The following PHACTR1 variants were observed in gnomAD, a reference collection of about 807,000 sequenced individuals.
The protein encoded by PHACTR1 is phosphatase and actin regulator 1, also known as RPEL repeat containing 1.
In PHACTR1, 16 loss-of-function variants were observed where a neutral mutation model predicts 69.2. The ratio of observed to expected loss-of-function variants is 0.23; its 90% CI spans 0.16 to 0.35. PHACTR1 has a LOEUF of 0.35. Ranked by LOEUF, PHACTR1 falls within the 10% of genes least tolerant of loss-of-function variation. The pLI, the probability that PHACTR1 is intolerant of heterozygous loss-of-function variation, is 1.00. For missense variants in PHACTR1, 510 were observed against 734.7 expected (o/e 0.69, Z 3.54); for synonymous variants, 312 against 284.5 (o/e 1.10, Z -0.97).
intron 4 of PHACTR1, among the ~76,000 whole-genome samples, chr6:13,019,487 G>A (rs1036198862): frequency 6.6e-6 from 1 of 152,176 alleles, no homozygotes; most frequent in South Asian, 2.1e-4. Flanking sequence ...TGCAATATCT[G>A]TTTCAGGCTC....
intron 10 of PHACTR1, among the ~76,000 whole-genome samples, chr6:13,247,403 TG>T (rs1773729890): frequency 6.7e-6 from 1 of 150,188 alleles, no homozygotes; most frequent in Non-Finnish European, 1.5e-5. Context: ...TGGAGTACAG[TG>T]GTGCCATCTC....
intron 5 of PHACTR1, among the ~76,000 whole-genome samples, chr6:13,144,697 T>G (rs1301095263): frequency 7.0e-6 from 1 of 143,770 alleles, no homozygotes; most frequent in East Asian, 2.0e-4. Flanking sequence ...GCCCGGGAAG[T>G]GGAGGCTGCA....
At chr6:12,937,371 C>T (rs942394865) in intron 4 of PHACTR1, among the ~76,000 whole-genome samples, 1 of 150,922 alleles carries the variant, frequency 6.6e-6, no homozygotes, top group African/African-American at 2.4e-5. Flanking sequence ...TTTTTTTTGA[C>T]GGAGTTTCAC....
At chr6:12,890,233 G>A (rs1784043447) in intron 4 of PHACTR1, among the ~76,000 whole-genome samples, 1 of 152,098 alleles carries the variant, frequency 6.6e-6, no homozygotes, top group Non-Finnish European at 1.5e-5. Flanking sequence ...GCAGTTTCAT[G>A]CCGAAAACAT....
intron 3 of PHACTR1, among the ~76,000 whole-genome samples, chr6:12,742,987 T>C (rs1006732255): frequency 6.6e-6 from 1 of 152,122 alleles, no homozygotes; most frequent in Non-Finnish European, 1.5e-5. Flanking sequence ...GTAAACTAAA[T>C]AAGAAGGCTT....
rs6916230 is a variant in PHACTR1 at position 12,982,236 on chromosome 6, C to T, written c.251-71129C>T. ...CCTCCTGGCAGCTCTCTGCAGCTCC[C>T]GACAACCCCTAATAGTCCTCTAGCT... is the stretch of plus-strand genomic sequence containing the variant. On this transcript the variant is annotated intron_variant, in intron 4 of 14. Coordinates refer to ENST00000332995, the MANE Select transcript of PHACTR1 (RefSeq NM_030948.6). 4.4e-3 allele frequency among the ~76,000 whole-genome samples: 672 copies of T among 152,282 alleles called. 3 individuals are homozygous for T. The highest frequency in any genetic ancestry group is 0.015 in the African/African-American group (619 of 41,560).
At chr6:13,121,265 C>T (rs547129811) in intron 5 of PHACTR1, among the ~76,000 whole-genome samples, 261 of 152,070 alleles carry the variant, frequency 1.7e-3, no homozygotes, top group Non-Finnish European at 2.6e-3. Flanking sequence ...TGGCAGGGGA[C>T]GGAATGGTGA....
intron 3 of PHACTR1, among the ~76,000 whole-genome samples, chr6:12,719,454 C>T (rs1215643789): frequency 6.6e-6 from 1 of 152,010 alleles, no homozygotes. Context: ...AATGTTTTTC[C>T]ACCACATTAA....
At chr6:12,730,866 T>C (rs898981306) in intron 3 of PHACTR1, among the ~76,000 whole-genome samples, 1 of 152,166 alleles carries the variant, frequency 6.6e-6, no homozygotes, top group African/African-American at 2.4e-5. Flanking sequence ...TGTTGCTGCA[T>C]TAGTTTGGTA....
chr6:12,935,544 T>G (rs546205187), intron 4 of PHACTR1, among the ~76,000 whole-genome samples: 1 of 152,190 alleles, frequency 6.6e-6, no homozygotes, highest in African/African-American at 2.4e-5. Flanking sequence ...GCACCTGGCC[T>G]ACACTGATGT....
chr6:13,043,828 T>C (rs1804593447), intron 4 of PHACTR1, among the ~76,000 whole-genome samples: 1 of 152,250 alleles, frequency 6.6e-6, no homozygotes, highest in Non-Finnish European at 1.5e-5. Context: ...CTACGTTATT[T>C]AAAGATTGTT....
chr6:12,797,053 G>GAA (rs1773107147), intron 4 of PHACTR1, among the ~76,000 whole-genome samples: 1 of 151,486 alleles, frequency 6.6e-6, no homozygotes, highest in South Asian at 2.1e-4. Context: ...GAGAGAGAGA[G>GAA]AGAGGGATAT....
intron 3 of PHACTR1, among the ~76,000 whole-genome samples, chr6:12,730,665 C>T (rs561530776): frequency 6.6e-6 from 1 of 152,312 alleles, no homozygotes; most frequent in South Asian, 2.1e-4. Context: ...AAACTTGTGT[C>T]ATGAGGGTTT....
intron 10 of PHACTR1, among the ~76,000 whole-genome samples, chr6:13,252,342 A>C (rs1241680569): frequency 6.7e-6 from 1 of 150,222 alleles, no homozygotes; most frequent in African/African-American, 2.5e-5. Context: ...AAAAAAAAAA[A>C]AGAAAAAGGA....
intron 5 of PHACTR1, among the ~76,000 whole-genome samples, chr6:13,102,577 G>A (rs1040664825): frequency 6.6e-6 from 1 of 152,152 alleles, no homozygotes; most frequent in Non-Finnish European, 1.5e-5. Context: ...CAATTTTGGT[G>A]TGGTTTCTTT....
intron 4 of PHACTR1, among the ~76,000 whole-genome samples, chr6:12,847,019 G>GTAT (rs1280136414): frequency 6.6e-6 from 1 of 151,512 alleles, no homozygotes; most frequent in South Asian, 2.1e-4. Context: ...GTTTCGCCAT[G>GTAT]TAGCCCAGGC....
chr6:12,961,837 T>TTGTAGATGGCCTTGCTCCTTGGCG (rs1792773380), intron 4 of PHACTR1, among the ~76,000 whole-genome samples: 2 of 152,222 alleles, frequency 1.3e-5, no homozygotes, highest in Admixed American at 1.3e-4. Context: ...GCTCCTTGGC[T>TTGTAGATGGCCTTGCTCCTTGGCG]TGTAGATGGC....
intron 4 of PHACTR1, among the ~76,000 whole-genome samples, chr6:13,033,421 C>A (rs941873208): frequency 6.6e-6 from 1 of 152,146 alleles, no homozygotes; most frequent in African/African-American, 2.4e-5. Context: ...TACTATTATA[C>A]ATGAGAGTAT....
At position 13,205,979 on chromosome 6, in the gene PHACTR1, A is replaced by G. The variant is rs1475314942; in HGVS notation, c.829A>G (p.Thr277Ala). ...GQQGVAQHHH[T>A]VLPSQIQHQL... ...GCAGGGTGTGGCCCAGCACCACCAC[A>G]CTGTCCTGCCCTCCCAGATCCAGCA... The change falls in exon 8 of 15, where the codon ACT (threonine) becomes GCT (alanine). Residue 277 changes from threonine (T) to alanine (A), a missense_variant. Coordinates refer to ENST00000332995, the MANE Select transcript of PHACTR1 (RefSeq NM_030948.6). 1.9e-5 allele frequency: 30 copies of G among 1,613,882 alleles called. No individual in the cohort carries two copies. The highest frequency in any genetic ancestry group is 2.5e-5 in the Non-Finnish European group (29 of 1,179,896).
Sources: gnomAD v4.1 joint callset for allele counts (sites outside exome capture counted in the v4.1 genomes callset) on GRCh38, gnomAD v4.1.1 for gene constraint, MANE v1.5 for transcripts, NCBI Gene and HGNC (gene_info 2026-07-23, HGNC 2026-07-21) for gene names.